The following ADAM9 variants were observed in gnomAD, a reference collection of about 807,000 sequenced individuals.
The protein encoded by ADAM9 is ADAM metallopeptidase domain 9.
In ADAM9, 54 loss-of-function variants were observed where a neutral mutation model predicts 108.1. The observed-to-expected ratio is 0.50, with a 90% confidence interval of 0.40 to 0.63. The LOEUF (loss-of-function observed/expected upper bound fraction) is 0.63, where lower values mean the gene tolerates loss of function less well. Among genes scored for constraint, ADAM9 ranks in the 20% least tolerant of loss-of-function variants. ADAM9 has a pLI of 0.00. For missense variants in ADAM9, 830 were observed against 997.7 expected (o/e 0.83, Z 2.26); for synonymous variants, 316 against 336.0 (o/e 0.94, Z 0.65).
At chr8:39,014,320 A>G (rs911782894) in intron 4 of ADAM9, 8 of 548,736 alleles carry the variant, frequency 1.5e-5, no homozygotes, top group African/African-American at 3.8e-5. Context: ...AGAAAATTTG[A>G]TATGTTTTGA....
intron 15 of ADAM9, 29 bp from the exon 16 acceptor site, chr8:39,077,199 T>C (rs1175630158): frequency 1.2e-6 from 2 of 1,612,924 alleles, no homozygotes; most frequent in Non-Finnish European, 1.7e-6. Context: ...GGATGCATTT[T>C]ATGTTGCATT....
intron 2 of ADAM9, among the ~76,000 whole-genome samples, chr8:39,008,944 G>T (rs1479947390): frequency 6.6e-6 from 1 of 152,152 alleles, no homozygotes; most frequent in African/African-American, 2.4e-5. Flanking sequence ...ATTTAACAAT[G>T]ACAGGTAATA....
At chr8:39,086,615 T>A (rs1012949480) in intron 18 of ADAM9, among the ~76,000 whole-genome samples, 1 of 152,224 alleles carries the variant, frequency 6.6e-6, no homozygotes, top group African/African-American at 2.4e-5. Context: ...TTCTCAGTTT[T>A]GATATTTTTC....
rs1453636383 is a variant in ADAM9 at position 39,088,885 on chromosome 8, AG to A, written c.2069-1161del. 3.9e-5 allele frequency among the ~76,000 whole-genome samples: 6 copies of A among 152,226 alleles called. 1 individual carries two copies. The highest frequency in any genetic ancestry group is 8.8e-5 in the Non-Finnish European group (6 of 68,034). On this transcript the variant is annotated intron_variant, in intron 18 of 21. Coordinates refer to ENST00000487273, the MANE Select transcript of ADAM9 (RefSeq NM_003816.3). ...TATAAAGAACTTTTAGAAATTAAGA[AG>A]AAAAAAGCAAGAGTCCAGTAGAAAA... is the stretch of plus-strand genomic sequence containing the variant.
chr8:39,009,387 G>A (rs980664943), intron 2 of ADAM9, among the ~76,000 whole-genome samples: 4 of 152,156 alleles, frequency 2.6e-5, no homozygotes, highest in Non-Finnish European at 5.9e-5. Context: ...CTACAGGCAT[G>A]TGCCACTATA....
At chr8:39,037,043 G>A (rs969376068) in intron 11 of ADAM9, among the ~76,000 whole-genome samples, 3 of 147,348 alleles carry the variant, frequency 2.0e-5, no homozygotes, top group Non-Finnish European at 4.5e-5. Flanking sequence ...ATATGCCTGC[G>A]CAAGTTCTTT....
chr8:39,091,853 A>G (rs1839366605), intron 20 of ADAM9, among the ~76,000 whole-genome samples: 1 of 152,214 alleles, frequency 6.6e-6, no homozygotes, highest in Admixed American at 6.5e-5. Context: ...AGACAGCTGG[A>G]CATTAGGAAT....
intron 2 of ADAM9, among the ~76,000 whole-genome samples, chr8:39,010,914 G>A (rs1836334467): frequency 6.6e-6 from 1 of 152,018 alleles, no homozygotes; most frequent in Non-Finnish European, 1.5e-5. Context: ...CCAATGTGGT[G>A]AAACCCCGTC....
In ADAM9 at chr8:39,017,146, T is replaced by G. The variant is rs997903872; in HGVS notation, c.411-73T>G. 4.1e-5 allele frequency: 63 copies of G among 1,521,736 alleles called. No homozygotes were observed. In the Admixed American group the frequency reaches 6.5e-4, roughly 16 times the overall value. The allele number at this position is 1,521,736 out of a possible 1,614,324, so 94.3% of individuals were successfully genotyped here. A position where few individuals can be genotyped will look rare whatever the true frequency, so the allele number is the denominator to read the frequency against. On this transcript the variant is annotated intron_variant, in intron 5 of 21. Transcript: ENST00000487273. ...ACTTACACATTTAAGAATTAGGACT[T>G]GAACTTAGGTTTTCTGATTCCTTGT...
chr8:39,016,154 C>G lies in ADAM9; in HGVS notation c.370C>G (p.His124Asp), dbSNP rs1836518232. The change falls in exon 5 of 22, where the codon CAT becomes GAT. Residue 124 changes from histidine (H) to aspartate (D), a missense_variant. By Grantham distance (81) the His-to-Asp change is moderately conservative (BLOSUM62 -1). Around this residue, in one of 3 missense-constraint regions of ADAM9, gnomAD observed 211 missense variants for 222.2 expected, o/e 0.95. Coordinates refer to ENST00000487273, the MANE Select transcript of ADAM9 (RefSeq NM_003816.3). ...TTATCGGGGCTATGTGGAGGGAGTTCATAATTCATCCATTGCTCTTAGCGA... is the reference window on the plus strand; with the variant it reads ...TTATCGGGGCTATGTGGAGGGAGTTGATAATTCATCCATTGCTCTTAGCGA... ...CHYRGYVEGV[H>D]NSSIALSDCF... The G allele has an allele frequency of 6.2e-7, 1 of 1,613,720 alleles. No homozygotes were observed. Among genetic ancestry groups the G allele is most frequent in the Non-Finnish European group, 8.5e-7 (1 of 1,179,836 alleles).
In ADAM9 at chr8:39,083,575, G is replaced by A. The variant is rs184064374; in HGVS notation, c.2068+502G>A. Among the ~76,000 whole-genome samples the A allele has an allele frequency of 5.9e-5, 9 of 152,218 alleles. No individual in the cohort carries two copies. In the East Asian group the frequency reaches 7.7e-4, roughly 13 times the overall value. On this transcript the variant is annotated intron_variant, in intron 18 of 21. Transcript: ENST00000487273. ...TCTTTTACCTGTGGGCTTTCATACC[G>A]TATTATTTTCACATTGTTGGCCCTT...
intron 14 of ADAM9, among the ~76,000 whole-genome samples, chr8:39,068,444 G>T (rs1004890366): frequency 7.2e-5 from 11 of 151,910 alleles, no homozygotes; most frequent in Non-Finnish European, 1.3e-4. Context: ...GGAGGCCGAG[G>T]CATGTGGATT....
At chr8:39,083,104 C>A in intron 18 of ADAM9, 31 bp downstream of exon 18, 1 of 1,571,764 alleles carries the variant, frequency 6.4e-7, no homozygotes, top group Non-Finnish European at 8.7e-7. Context: ...TTAGTGTGAT[C>A]TCCCAGTGGC....
Position 39,045,028 on chromosome 8 carries a change from GCA to G in ADAM9, c.1302+2912_1302+2913del, listed in dbSNP as rs1302204979. ...TACCTATGTATGTGTATGTGTGTGTGCATACATACATATGTATGTGTATGTGT... is the reference window on the plus strand; with the variant it reads ...TACCTATGTATGTGTATGTGTGTGTGTACATACATATGTATGTGTATGTGT... On this transcript the variant is annotated intron_variant, in intron 12 of 21. Coordinates refer to ENST00000487273, the MANE Select transcript of ADAM9 (RefSeq NM_003816.3). 1.2e-3 allele frequency among the ~76,000 whole-genome samples: 153 copies of G among 125,692 alleles called. 28 individuals are homozygous for G. The highest frequency in any genetic ancestry group is 8.2e-3 in the Middle Eastern group (2 of 244). The allele number at this position is 125,692 out of a possible 152,430, so 82.5% of individuals were successfully genotyped here. A position where few individuals can be genotyped will look rare whatever the true frequency, so the allele number is the denominator to read the frequency against.
At chr8:39,102,528 T>C (rs1490764800) in intron 21 of ADAM9, among the ~76,000 whole-genome samples, 1 of 152,198 alleles carries the variant, frequency 6.6e-6, no homozygotes, top group Non-Finnish European at 1.5e-5. Context: ...TCTCAGGGTC[T>C]GTGCTGGGAC....
intron 14 of ADAM9, among the ~76,000 whole-genome samples, chr8:39,069,643 T>C (rs942071323): frequency 6.6e-6 from 1 of 152,156 alleles, no homozygotes; most frequent in African/African-American, 2.4e-5. Flanking sequence ...AGCAAAACCA[T>C]GATCTCATCC....
chr8:39,038,094 C>G (rs1837342570), intron 11 of ADAM9, among the ~76,000 whole-genome samples: 1 of 152,218 alleles, frequency 6.6e-6, no homozygotes, highest in African/African-American at 2.4e-5. Context: ...CCCACTGTTT[C>G]ATTTTGGTCC....
chr8:39,021,408 T>C (rs891413648), intron 7 of ADAM9, among the ~76,000 whole-genome samples: 2 of 152,090 alleles, frequency 1.3e-5, no homozygotes, highest in Admixed American at 6.5e-5. Flanking sequence ...CTCAGTCTCC[T>C]GAGTAGCTGG....
At chr8:39,028,216 A>T (rs535550407) in intron 11 of ADAM9, among the ~76,000 whole-genome samples, 5 of 152,240 alleles carry the variant, frequency 3.3e-5, no homozygotes, top group Non-Finnish European at 7.3e-5. Context: ...CCAGCCTTTC[A>T]GCTGAAGTTC....
Sources: allele counts gnomAD v4.1 joint callset (sites outside exome capture counted in the v4.1 genomes callset), GRCh38; gene constraint gnomAD v4.1.1; regional missense constraint gnomAD v4.1.1; transcripts MANE v1.5; gene names NCBI Gene and HGNC (gene_info 2026-07-23, HGNC 2026-07-21).